The following CRISPLD2 variants were observed in gnomAD, a reference collection of about 807,000 sequenced individuals.
The protein encoded by CRISPLD2 is cysteine-rich secretory protein LCCL domain-containing 2.
CRISPLD2 carries 47 observed loss-of-function variants against 71.1 expected under a neutral mutation model. That is an observed-to-expected ratio of 0.66 (90% CI 0.52 to 0.84). The LOEUF (loss-of-function observed/expected upper bound fraction) is 0.84, where lower values mean the gene tolerates loss of function less well. Among genes scored for constraint, CRISPLD2 ranks in the 40% least tolerant of loss-of-function variants. The pLI, the probability that CRISPLD2 is intolerant of heterozygous loss-of-function variation, is 0.00. For missense variants in CRISPLD2, 830 were observed against 651.1 expected (o/e 1.27, Z -2.99); for synonymous variants, 317 against 250.1 (o/e 1.27, Z -2.52).
intron 10 of CRISPLD2, chr16:84,873,506 C>CAAAAAAAAAA (rs913977597): frequency 3.6e-5 from 4 of 112,166 alleles, no homozygotes; most frequent in Non-Finnish European, 5.0e-5. Flanking sequence ...ACAACAACAA[C>CAAAAAAAAAA]AAAAAAAAAA....
intron 13 of CRISPLD2, among the ~76,000 whole-genome samples, chr16:84,884,463 G>C (rs1241046427): frequency 1.3e-5 from 2 of 152,214 alleles, no homozygotes; most frequent in Non-Finnish European, 2.9e-5. Context: ...GGTTCACACA[G>C]GTCATCCCAA....
intron 8 of CRISPLD2, among the ~76,000 whole-genome samples, chr16:84,871,845 C>T (rs1387063496): frequency 7.5e-6 from 1 of 133,546 alleles, no homozygotes; most frequent in South Asian, 2.3e-4. Flanking sequence ...AGCCACTGTG[C>T]CTGGCCTTGT....
At position 84,900,289 on chromosome 16, in the gene CRISPLD2, C is replaced by T. The variant is rs16974865; in HGVS notation, c.1440-6299C>T. On this transcript the variant is annotated intron_variant, in intron 14 of 14. Coordinates refer to ENST00000262424, the MANE Select transcript of CRISPLD2 (RefSeq NM_031476.4). ...CCAGGAATTCCAAGCGGCCTGCTCT[C>T]GGAGGATTGCAGATCTTAGCAGCCT... Among the ~76,000 whole-genome samples the T allele has an allele frequency of 5.1e-3, 771 of 152,202 alleles. 11 individuals are homozygous for T. Among genetic ancestry groups the T allele is most frequent in the African/African-American group, 0.018 (746 of 41,516 alleles).
At chr16:84,848,458 A>AC (rs1198303188) in intron 3 of CRISPLD2, among the ~76,000 whole-genome samples, 1 of 102,386 alleles carries the variant, frequency 9.8e-6, no homozygotes, top group Non-Finnish European at 2.4e-5. Flanking sequence ...CTCCCTAGTT[A>AC]TTAAAAAAAA....
chr16:84,838,156 G>A (rs1034750748), intron 1 of CRISPLD2, among the ~76,000 whole-genome samples: 2 of 152,082 alleles, frequency 1.3e-5, no homozygotes, highest in Non-Finnish European at 2.9e-5. Flanking sequence ...GCAGGGACTC[G>A]CTCAAGGAAA....
At chr16:84,869,832 A>AAG (rs2071450281) in intron 8 of CRISPLD2, among the ~76,000 whole-genome samples, 2 of 152,262 alleles carry the variant, frequency 1.3e-5, no homozygotes, top group Non-Finnish European at 2.9e-5. Context: ...TGCTAAGCAC[A>AAG]TTGCGATAGC....
chr16:84,876,501 CA>C (rs1034761293), intron 11 of CRISPLD2, among the ~76,000 whole-genome samples: 26 of 130,782 alleles, frequency 2.0e-4, no homozygotes, highest in African/African-American at 3.8e-4. Context: ...GACTCCGTCT[CA>C]AAAAAAAAAG....
intron 12 of CRISPLD2, among the ~76,000 whole-genome samples, chr16:84,879,017 G>A (rs899882515): frequency 1.3e-5 from 2 of 152,174 alleles, no homozygotes; most frequent in African/African-American, 4.8e-5. Context: ...TTCTCCAAGG[G>A]ACAATAGGTG....
chr16:84,838,286 G>A (rs1027441763), intron 1 of CRISPLD2, 136 bp from the exon 2 acceptor site: 11 of 611,652 alleles, frequency 1.8e-5, no homozygotes, highest in African/African-American at 3.7e-5. Flanking sequence ...GACCTTGCTT[G>A]TTTAGCTTCT....
At position 84,838,540 on chromosome 16, in the gene CRISPLD2, C is replaced by T. The variant is rs766136257; in HGVS notation, c.45C>T (p.Phe15=). The T allele has an allele frequency of 1.9e-6, 3 of 1,614,216 alleles. No homozygotes were observed. The Admixed American group carries it at 5.0e-5, about 27-fold the overall frequency. The change falls in exon 2 of 15, where the codon TTC becomes TTT. Residue 15 remains phenylalanine (F), a synonymous_variant. Transcript: ENST00000262424. ...LGGVIPLGLL[F]LVCGSQGYLL... ...GTGTCATCCCCTTGGGGCTGCTGTT[C>T]CTGGTCTGCGGATCCCAAGGCTACC...
chr16:84,901,352 G>A (rs981265959), intron 14 of CRISPLD2, among the ~76,000 whole-genome samples: 2 of 152,126 alleles, frequency 1.3e-5, no homozygotes, highest in Non-Finnish European at 2.9e-5. Context: ...GAAAGACAGG[G>A]TTGAGAGGGA....
intron 1 of CRISPLD2, among the ~76,000 whole-genome samples, chr16:84,825,611 C>A (rs1406499489): frequency 6.6e-6 from 1 of 152,056 alleles, no homozygotes; most frequent in Non-Finnish European, 1.5e-5. Flanking sequence ...CAAAAATTAG[C>A]TAGGCGTGGT....
intron 11 of CRISPLD2, among the ~76,000 whole-genome samples, chr16:84,876,284 C>T (rs1163992275): frequency 6.6e-6 from 1 of 152,206 alleles, no homozygotes; most frequent in African/African-American, 2.4e-5. Context: ...GATGGGTCAC[C>T]TGAGGTCAGG....
At chr16:84,859,371 C>T (rs1244764270) in intron 6 of CRISPLD2, among the ~76,000 whole-genome samples, 1 of 152,232 alleles carries the variant, frequency 6.6e-6, no homozygotes, top group Non-Finnish European at 1.5e-5. Context: ...AACACCTGCT[C>T]AGAGCCAGTG....
intron 6 of CRISPLD2, among the ~76,000 whole-genome samples, chr16:84,865,692 G>A (rs1917517337): frequency 6.6e-6 from 1 of 152,112 alleles, no homozygotes; most frequent in Non-Finnish European, 1.5e-5. Flanking sequence ...CTTTGATCAG[G>A]CCGCTCAGGC....
intron 3 of CRISPLD2, among the ~76,000 whole-genome samples, chr16:84,847,020 C>T (rs901648916): frequency 6.6e-6 from 1 of 152,234 alleles, no homozygotes; most frequent in Admixed American, 6.5e-5. Context: ...CCACATAAGA[C>T]TTAACGACCA....
At chr16:84,860,731 A>G (rs567318783) in intron 6 of CRISPLD2, among the ~76,000 whole-genome samples, 13 of 152,246 alleles carry the variant, frequency 8.5e-5, no homozygotes, top group African/African-American at 1.4e-4. Context: ...TTCTTTTCCA[A>G]TCAATGCCCT....
At chr16:84,857,545 C>T (rs1346296004) in intron 6 of CRISPLD2, among the ~76,000 whole-genome samples, 2 of 152,222 alleles carry the variant, frequency 1.3e-5, no homozygotes, top group Non-Finnish European at 2.9e-5. Flanking sequence ...ATTTCTCCTT[C>T]CATGCAAAGT....
rs1358804819 is a variant in CRISPLD2, at chr16:84,907,525, A to C, written c.*883A>C. On this transcript the variant is annotated 3_prime_UTR_variant, in exon 15 of 15. Transcript: ENST00000262424. ...GTTCACACCCAGGACTTTTCTTTGC[A>C]AGCGAACCTGTTTGAAGCCCAAGTC... The C allele has an allele frequency of 6.6e-6, 1 of 152,206 alleles. No individual in the cohort carries two copies. The highest frequency in any genetic ancestry group is 1.5e-5 in the Non-Finnish European group (1 of 68,042). 9.4% of individuals were successfully genotyped at this position (152,206 alleles called of 1,614,324 possible).
Sources: gnomAD v4.1 joint callset for allele counts (sites outside exome capture counted in the v4.1 genomes callset) on GRCh38, gnomAD v4.1.1 for gene constraint, MANE v1.5 for transcripts, NCBI Gene and HGNC (gene_info 2026-07-23, HGNC 2026-07-21) for gene names.